Variants in NALF1 observed in about 807,000 individuals in gnomAD.
NALF1 encodes family with sequence similarity 155 member A.
A neutral mutation model predicts 48.4 loss-of-function variants in NALF1; 3 were observed. The ratio of observed to expected loss-of-function variants is 0.06; its 90% CI spans 0.03 to 0.16. The LOEUF is 0.16. Ranked by LOEUF, NALF1 falls within the 10% of genes least tolerant of loss-of-function variation. The pLI, the probability that NALF1 is intolerant of heterozygous loss-of-function variation, is 1.00. For missense variants in NALF1, 526 were observed against 571.5 expected (o/e 0.92, Z 0.81); for synonymous variants, 262 against 245.7 (o/e 1.07, Z -0.62).
At chr13:107,712,785 T>G (rs1259891347) in intron 1 of NALF1, among the ~76,000 whole-genome samples, 1 of 152,182 alleles carries the variant, frequency 6.6e-6, no homozygotes, top group Admixed American at 6.5e-5. Context: ...CAGTAGACAG[T>G]CTACAAAAGC....
At chr13:107,569,333 G>T (rs1272450775) in intron 1 of NALF1, among the ~76,000 whole-genome samples, 1 of 152,020 alleles carries the variant, frequency 6.6e-6, no homozygotes, top group Non-Finnish European at 1.5e-5. Flanking sequence ...TTAGCCAGGC[G>T]TGGTGGTGGG....
chr13:107,798,850 T>C lies in NALF1; in HGVS notation c.915+66832A>G, dbSNP rs558159369. On this transcript the variant is annotated intron_variant, in intron 1 of 2. Coordinates refer to ENST00000375915, the MANE Select transcript of NALF1 (RefSeq NM_001080396.3). ...AGGAAAAACAAACTGCCCCCAAATA[T>C]TGTAGAACAAAACGCAACTTTTTCA... Among the ~76,000 whole-genome samples, 182 of 152,266 alleles carry C rather than the reference T, an allele frequency of 1.2e-3. 1 individual carries two copies. The highest frequency in any genetic ancestry group is 2.2e-3 in the Non-Finnish European group (150 of 68,024).
intron 1 of NALF1, among the ~76,000 whole-genome samples, chr13:107,646,268 C>G (rs2762208): frequency 0.011 from 1,657 of 151,582 alleles, 27 homozygotes; most frequent in African/African-American, 0.038. Flanking sequence ...CACATACACT[C>G]CCTGGAAAAC....
Position 107,522,610 on chromosome 13 carries a change from ATT to A in NALF1, c.916-311857_916-311856del, listed in dbSNP as rs35745004. On this transcript the variant is annotated intron_variant, in intron 1 of 2. Coordinates refer to ENST00000375915, the MANE Select transcript of NALF1 (RefSeq NM_001080396.3). The stretch of plus-strand genomic sequence containing the variant: ...TCCCTAGGAGATTTGAAATATCCAG[ATT>A]TTTTTTTTTTTGAGACAGTCTTGTT... Among the ~76,000 whole-genome samples, 538 of 144,672 alleles carry A rather than the reference ATT, an allele frequency of 3.7e-3. 4 individuals are homozygous for A. The highest frequency in any genetic ancestry group is 0.013 in the African/African-American group (503 of 39,558). 94.9% of individuals were successfully genotyped at this position (144,672 alleles called of 152,430 possible).
At chr13:107,356,553 T>G (rs1882967006) in intron 1 of NALF1, among the ~76,000 whole-genome samples, 1 of 152,198 alleles carries the variant, frequency 6.6e-6, no homozygotes, top group African/African-American at 2.4e-5. Context: ...TTTTCTAGTA[T>G]TTGTTCCATA....
chr13:107,629,023 T>C (rs1879760072), intron 1 of NALF1, among the ~76,000 whole-genome samples: 1 of 152,194 alleles, frequency 6.6e-6, no homozygotes, highest in South Asian at 2.1e-4. Context: ...TAGAAGAAGT[T>C]GTATTTCCTA....
intron 1 of NALF1, among the ~76,000 whole-genome samples, chr13:107,555,566 A>C (rs1877444796): frequency 6.7e-6 from 1 of 149,350 alleles, no homozygotes; most frequent in African/African-American, 2.5e-5. Context: ...AAGTGATGAG[A>C]TTATAGGCGT....
intron 1 of NALF1, among the ~76,000 whole-genome samples, chr13:107,344,424 G>A (rs900692889): frequency 1.3e-5 from 2 of 152,118 alleles, no homozygotes; most frequent in Admixed American, 1.3e-4. Context: ...GCATATTGAT[G>A]CAAAAATCCT....
intron 1 of NALF1, among the ~76,000 whole-genome samples, chr13:107,589,378 T>TTCTACTA (rs1479952415): frequency 2.0e-5 from 3 of 152,056 alleles, no homozygotes; most frequent in African/African-American, 7.2e-5. Flanking sequence ...ATGGCAATCT[T>TTCTACTA]TCTACTAGGA....
intron 1 of NALF1, among the ~76,000 whole-genome samples, chr13:107,365,470 G>A (rs1297738706): frequency 1.3e-5 from 2 of 152,040 alleles, no homozygotes; most frequent in Non-Finnish European, 2.9e-5. Flanking sequence ...TCACTTTAGG[G>A]CTTTCTCTCT....
At chr13:107,331,531 A>G (rs1371853179) in intron 1 of NALF1, among the ~76,000 whole-genome samples, 2 of 152,304 alleles carry the variant, frequency 1.3e-5, no homozygotes, top group African/African-American at 4.8e-5. Flanking sequence ...GGTTTTTACC[A>G]TAAAAGTGAT....
intron 1 of NALF1, among the ~76,000 whole-genome samples, chr13:107,651,910 T>G (rs1175364117): frequency 6.6e-6 from 1 of 152,242 alleles, no homozygotes; most frequent in East Asian, 1.9e-4. Context: ...CTCTAGAGAC[T>G]GCTCTTTGCG....
intron 1 of NALF1, among the ~76,000 whole-genome samples, chr13:107,773,117 C>T (rs1051236729): frequency 6.6e-6 from 1 of 152,078 alleles, no homozygotes; most frequent in African/African-American, 2.4e-5. Flanking sequence ...GAAGATGAAA[C>T]AAAGTACTAC....
chr13:107,340,497 CTTTCTTTCT>C (rs1882657273), intron 1 of NALF1, among the ~76,000 whole-genome samples: 1 of 143,528 alleles, frequency 7.0e-6, no homozygotes, highest in African/African-American at 2.6e-5. Flanking sequence ...TTTTGTCTTT[CTTTCTTTCT>C]TTTCTTTCTT....
chr13:107,284,907 A>G (rs961549085), intron 1 of NALF1, among the ~76,000 whole-genome samples: 1 of 150,766 alleles, frequency 6.6e-6, no homozygotes, highest in Non-Finnish European at 1.5e-5. Flanking sequence ...CACCCATCCT[A>G]TTTTTTTTTT....
chr13:107,686,907 T>G (rs1411291003), intron 1 of NALF1, among the ~76,000 whole-genome samples: 4 of 152,130 alleles, frequency 2.6e-5, no homozygotes, highest in Non-Finnish European at 4.4e-5. Flanking sequence ...CTCAAAGAAC[T>G]AAAAATAGAT....
At chr13:107,303,094 T>C (rs1282151412) in intron 1 of NALF1, among the ~76,000 whole-genome samples, 1 of 152,226 alleles carries the variant, frequency 6.6e-6, no homozygotes, top group African/African-American at 2.4e-5. Context: ...CTGGTGGGTA[T>C]GAAGTGGTGC....
chr13:107,683,403 T>C (rs1566442768), intron 1 of NALF1, among the ~76,000 whole-genome samples: 1 of 152,240 alleles, frequency 6.6e-6, no homozygotes, highest in Non-Finnish European at 1.5e-5. Context: ...AGAGTTCCCA[T>C]GCCATATCTG....
chr13:107,624,208 G>A (rs1047120048), intron 1 of NALF1, among the ~76,000 whole-genome samples: 8 of 152,120 alleles, frequency 5.3e-5, no homozygotes, highest in East Asian at 1.9e-4. Context: ...AAATGGTAGA[G>A]GGAGTATTCG....
Sources: allele counts gnomAD v4.1 joint callset (sites outside exome capture counted in the v4.1 genomes callset), GRCh38; gene constraint gnomAD v4.1.1; transcripts MANE v1.5; gene names NCBI Gene and HGNC (gene_info 2026-07-23, HGNC 2026-07-21).